The following BICRAL variants were observed in gnomAD, a reference collection of about 807,000 sequenced individuals.
BICRAL encodes BICRA like chromatin remodeling complex associated protein, also known as BRD4-interacting chromatin-remodeling complex-associated protein-like.
A neutral mutation model predicts 91.8 loss-of-function variants in BICRAL; 8 were observed. That is an observed-to-expected ratio of 0.09 (90% CI 0.05 to 0.16). The LOEUF (loss-of-function observed/expected upper bound fraction) is 0.16. Ranked by LOEUF, BICRAL falls within the 10% of genes least tolerant of loss-of-function variation. The pLI, the probability that BICRAL is intolerant of heterozygous loss-of-function variation, is 1.00. For synonymous variants in BICRAL, 445 were observed against 491.1 expected (o/e 0.91, Z 1.24); for missense variants, 1,038 against 1,310.9 (o/e 0.79, Z 3.21).
intron 1 of BICRAL, among the ~76,000 whole-genome samples, chr6:42,747,935 G>C (rs1323219721): frequency 1.3e-5 from 2 of 151,280 alleles, no homozygotes; most frequent in African/African-American, 2.4e-5. Context: ...CTCCCGAGTA[G>C]CTGGGACTAC....
chr6:42,807,250 C>T (rs1337629266), intron 1 of BICRAL, among the ~76,000 whole-genome samples: 2 of 152,120 alleles, frequency 1.3e-5, no homozygotes, highest in African/African-American at 4.8e-5. Flanking sequence ...GTAGCTTGAT[C>T]TAGGCTCACT....
intron 1 of BICRAL, among the ~76,000 whole-genome samples, chr6:42,753,423 T>G (rs1762410965): frequency 6.6e-6 from 1 of 151,996 alleles, no homozygotes; most frequent in South Asian, 2.1e-4. Flanking sequence ...GTTGCCTTGT[T>G]GGGATGGTCA....
intron 6 of BICRAL, 45 bp from the exon 7 acceptor site, chr6:42,852,047 C>T (rs375255310): frequency 1.7e-6 from 2 of 1,178,656 alleles, no homozygotes; most frequent in East Asian, 2.3e-5. Context: ...TCTGTTAAAG[C>T]TTTAGAAATG....
At chr6:42,842,524 A>G (rs1182940431) in intron 6 of BICRAL, among the ~76,000 whole-genome samples, 3 of 152,114 alleles carry the variant, frequency 2.0e-5, no homozygotes, top group Non-Finnish European at 4.4e-5. Flanking sequence ...TGTTTTTCCC[A>G]CAAATAGGCC....
intron 2 of BICRAL, among the ~76,000 whole-genome samples, chr6:42,817,564 C>T (rs1398440747): frequency 1.3e-5 from 2 of 151,594 alleles, no homozygotes; most frequent in African/African-American, 2.4e-5. Flanking sequence ...CAGCCTTGAC[C>T]TCCTACGCTC....
chr6:42,776,563 G>A lies in BICRAL; in HGVS notation c.-260-5276G>A, dbSNP rs2395937. Among the ~76,000 whole-genome samples, 623 of 150,910 alleles carry A rather than the reference G, an allele frequency of 4.1e-3. 21 individuals are homozygous for A. The East Asian group carries it at 0.096, about 23-fold the overall frequency. ...GGATCTGACCATGTTGCCCAGGCTG[G>A]TCTCAAACTCCTGGGCTCAAGCGAC... On this transcript the variant is annotated intron_variant, in intron 1 of 14. Coordinates refer to the BICRAL transcript ENST00000614467.
chr6:42,819,306 G>A (rs1764075749), intron 2 of BICRAL, among the ~76,000 whole-genome samples: 1 of 151,866 alleles, frequency 6.6e-6, no homozygotes. Flanking sequence ...TATTTTTTGA[G>A]ACAGAATCTC....
At chr6:42,788,522 G>A (rs1457239579) in intron 1 of BICRAL, among the ~76,000 whole-genome samples, 1 of 152,032 alleles carries the variant, frequency 6.6e-6, no homozygotes, top group Non-Finnish European at 1.5e-5. Flanking sequence ...ATGCCTGGCC[G>A]GGAGCAGCAT....
chr6:42,839,345 A>G (rs1283399858), intron 6 of BICRAL, among the ~76,000 whole-genome samples: 3 of 152,070 alleles, frequency 2.0e-5, no homozygotes, highest in South Asian at 2.1e-4. Flanking sequence ...GGGTCTTGCT[A>G]TGTTACCCAG....
At position 42,822,831 on chromosome 6, in the gene BICRAL, C is replaced by A; in HGVS notation, c.77C>A (p.Pro26His). ...GCATTGAACTATTTTCTACATGGAC[C>A]TAGTAATAAATCTGTAAGTAATGCA... ...PQALNYFLHG[P>H]SNKSSNDDLT... Residue 26 changes from proline to histidine, a missense_variant, in exon 4 of 13, where the codon CCT becomes CAT. Physicochemically the swap from Pro to His is moderately conservative, Grantham distance 77 (BLOSUM62 -2). Transcript: ENST00000314073. 6.4e-7 allele frequency: 1 copy of A among 1,571,696 alleles called. No individual in the cohort carries two copies. Among genetic ancestry groups the A allele is most frequent in the African/African-American group, 1.3e-5 (1 of 74,162 alleles).
Position 42,817,298 on chromosome 6 carries a change from A to G in BICRAL, c.-5-4720A>G, listed in dbSNP as rs58260658. 6.4e-3 allele frequency among the ~76,000 whole-genome samples: 967 copies of G among 152,066 alleles called. 53 individuals are homozygous for G. The East Asian group carries it at 0.13, about 20-fold the overall frequency. ...AAGTTAGTATGATTAAAACTGCCTC[A>G]TTAGTTTTAATGACTGCAGAGTACT... On this transcript the variant is annotated intron_variant, in intron 2 of 12. Transcript: ENST00000314073.
chr6:42,779,271 CACAT>C (rs1470003087), upstream of BICRAL, among the ~76,000 whole-genome samples: 222 of 132,652 alleles, frequency 1.7e-3, 2 homozygotes, highest in East Asian at 0.036. Flanking sequence ...CACACACACA[CACAT>C]ATCATTGGAG....
chr6:42,756,964 G>C (rs1347049150), intron 1 of BICRAL, among the ~76,000 whole-genome samples: 1 of 121,032 alleles, frequency 8.3e-6, no homozygotes, highest in Non-Finnish European at 1.6e-5. Context: ...TTGAGCTCTT[G>C]TTATTCAGTA....
At chr6:42,794,912 G>T (rs534796906) in intron 1 of BICRAL, among the ~76,000 whole-genome samples, 7 of 150,748 alleles carry the variant, frequency 4.6e-5, no homozygotes, top group Non-Finnish European at 1.0e-4. Flanking sequence ...AGTGAGCCAA[G>T]ATCACGCCAT....
intron 1 of BICRAL, among the ~76,000 whole-genome samples, chr6:42,808,468 A>T (rs917720656): frequency 6.6e-6 from 1 of 152,142 alleles, no homozygotes; most frequent in South Asian, 2.1e-4. Flanking sequence ...ATGTATACCT[A>T]TTCTCTTGCT....
At chr6:42,795,434 A>C (rs1267905385) in intron 1 of BICRAL, among the ~76,000 whole-genome samples, 2 of 152,234 alleles carry the variant, frequency 1.3e-5, no homozygotes, top group Admixed American at 1.3e-4. Context: ...CTCTGTCTCA[A>C]ATAAATAAAT....
intron 1 of BICRAL, among the ~76,000 whole-genome samples, chr6:42,763,798 G>A (rs1762592082): frequency 6.6e-6 from 1 of 150,930 alleles, no homozygotes; most frequent in Non-Finnish European, 1.5e-5. Flanking sequence ...TCCAGCCTGA[G>A]CAACAGAGTG....
chr6:42,758,988 G>GCAATT (rs1316782627), intron 1 of BICRAL, among the ~76,000 whole-genome samples: 2 of 152,194 alleles, frequency 1.3e-5, no homozygotes, highest in Non-Finnish European at 1.5e-5. Flanking sequence ...TCAGGCTAAA[G>GCAATT]CAATGTTCTC....
upstream of BICRAL, among the ~76,000 whole-genome samples, chr6:42,777,073 G>T (rs1162358311): frequency 1.3e-5 from 2 of 152,190 alleles, no homozygotes; most frequent in African/African-American, 2.4e-5. Flanking sequence ...GCATCCTTGA[G>T]GAGCTCCCTA....
Sources: gnomAD v4.1 joint callset for allele counts (sites outside exome capture counted in the v4.1 genomes callset) on GRCh38, gnomAD v4.1.1 for gene constraint, MANE v1.5 for transcripts, NCBI Gene and HGNC (gene_info 2026-07-23, HGNC 2026-07-21) for gene names.